NFATC1: variants seen among roughly 807,000 people sequenced by gnomAD.
NFATC1 encodes nuclear factor of activated T cells 1, also known as nuclear factor of activated T-cells, cytoplasmic 1.
In NFATC1, 22 loss-of-function variants were observed where a neutral mutation model predicts 76.0. That is an observed-to-expected ratio of 0.29 (90% CI 0.21 to 0.41). The LOEUF (loss-of-function observed/expected upper bound fraction) is 0.41, where lower values mean the gene tolerates loss of function less well. Ranked by LOEUF, NFATC1 falls within the 10% of genes least tolerant of loss-of-function variation. The pLI is 1.00. For synonymous variants in NFATC1, 704 were observed against 613.1 expected (o/e 1.15, Z -2.19); for missense variants, 1,357 against 1,337.7 (o/e 1.01, Z -0.23).
intron 3 of NFATC1, among the ~76,000 whole-genome samples, chr18:79,443,217 C>A (rs895295424): frequency 6.6e-6 from 1 of 152,220 alleles, no homozygotes; most frequent in Non-Finnish European, 1.5e-5. Flanking sequence ...GAAGGATTCT[C>A]AGAATTGAGC....
intron 9 of NFATC1, among the ~76,000 whole-genome samples, chr18:79,494,153 C>T (rs1387956194): frequency 6.6e-6 from 1 of 152,238 alleles, no homozygotes; most frequent in Non-Finnish European, 1.5e-5. Context: ...AAACTCGCTG[C>T]CACCTGGTCT....
chr18:79,522,374 GTGT>G (rs2090629749), intron 9 of NFATC1, among the ~76,000 whole-genome samples: 1 of 58,152 alleles, frequency 1.7e-5, no homozygotes, highest in African/African-American at 8.1e-5. Context: ...GTCTCTGTGT[GTGT>G]GGGGGGGGGT....
chr18:79,501,119 A>G (rs754649935), intron 9 of NFATC1, among the ~76,000 whole-genome samples: 26 of 152,184 alleles, frequency 1.7e-4, no homozygotes, highest in Non-Finnish European at 3.5e-4. Context: ...TAAAAAAAAG[A>G]TTTTACACCA....
chr18:79,526,609 T>C (rs1225231517), intron 9 of NFATC1, among the ~76,000 whole-genome samples: 2 of 152,244 alleles, frequency 1.3e-5, no homozygotes, highest in Non-Finnish European at 2.9e-5. Flanking sequence ...GGGTTCCTCC[T>C]GGAGCTCAGT....
At position 79,396,181 on chromosome 18, in the gene NFATC1, C is replaced by T. The variant is rs776282182; in HGVS notation, c.-44C>T. 7.0e-7 allele frequency: 1 copy of T among 1,431,774 alleles called. No homozygotes were observed. Among genetic ancestry groups the T allele is most frequent in the South Asian group, 1.3e-5 (1 of 75,544 alleles). The allele number at this position is 1,431,774 out of a possible 1,614,324, so 88.7% of individuals were successfully genotyped here. A position where few individuals can be genotyped will look rare whatever the true frequency, so the allele number is the denominator to read the frequency against. ...CGGCAGCGCGGGGCGGCCGCTTCTC[C>T]TGTGCCTCCGCCCGCCGCTCCACTC... On this transcript the variant is annotated 5_prime_UTR_variant, in exon 1 of 10. Coordinates refer to ENST00000427363, the MANE Select transcript of NFATC1 (RefSeq NM_001278669.2).
chr18:79,424,134 G>A (rs2086196351), intron 2 of NFATC1, among the ~76,000 whole-genome samples: 1 of 152,260 alleles, frequency 6.6e-6, no homozygotes, highest in African/African-American at 2.4e-5. Context: ...GTGGGAGGGT[G>A]AAGGCTGCGT....
intron 9 of NFATC1, among the ~76,000 whole-genome samples, chr18:79,506,801 G>C (rs1377539337): frequency 1.3e-5 from 2 of 152,200 alleles, no homozygotes; most frequent in Non-Finnish European, 2.9e-5. Flanking sequence ...CTTCTGGGTG[G>C]TTCTGTGTTG....
chr18:79,526,492 A>G (rs1304576571), intron 9 of NFATC1, among the ~76,000 whole-genome samples: 14 of 152,236 alleles, frequency 9.2e-5, no homozygotes, highest in Non-Finnish European at 2.9e-5. Context: ...GCGCCATGTC[A>G]GGAGGTGCTG....
intron 9 of NFATC1, among the ~76,000 whole-genome samples, chr18:79,510,250 A>G (rs184418485): frequency 6.6e-6 from 1 of 152,154 alleles, no homozygotes; most frequent in African/African-American, 2.4e-5. Flanking sequence ...CCGTGCGGAA[A>G]CTCAGGGATG....
intron 8 of NFATC1, among the ~76,000 whole-genome samples, chr18:79,484,828 A>C (rs1345274040): frequency 6.6e-6 from 1 of 151,892 alleles, no homozygotes; most frequent in Non-Finnish European, 1.5e-5. Context: ...GCCTGCCTTC[A>C]CGACCGCCGG....
chr18:79,416,330 G>T (rs1376263070), intron 2 of NFATC1, among the ~76,000 whole-genome samples: 1 of 152,172 alleles, frequency 6.6e-6, no homozygotes, highest in Non-Finnish European at 1.5e-5. Context: ...GCTCAGTAGC[G>T]ATTCCTCCTG....
intron 9 of NFATC1, among the ~76,000 whole-genome samples, chr18:79,517,533 A>G (rs1047955867): frequency 2.0e-5 from 3 of 152,230 alleles, no homozygotes; most frequent in African/African-American, 4.8e-5. Flanking sequence ...ACGCTGCGAC[A>G]GGAAGAGGCA....
At chr18:79,418,712 G>A (rs144663132) in intron 2 of NFATC1, among the ~76,000 whole-genome samples, 2 of 152,308 alleles carry the variant, frequency 1.3e-5, no homozygotes, top group African/African-American at 2.4e-5. Flanking sequence ...GCTCCTTCTT[G>A]AGCCGCTTCG....
chr18:79,404,057 T>C (rs1232968353), intron 1 of NFATC1, among the ~76,000 whole-genome samples: 1 of 152,232 alleles, frequency 6.6e-6, no homozygotes, highest in African/African-American at 2.4e-5. Context: ...TTCTGTGTCG[T>C]GTTTTTCAAA....
At chr18:79,474,290 G>A (rs1329257025) in intron 8 of NFATC1, among the ~76,000 whole-genome samples, 6 of 126,150 alleles carry the variant, frequency 4.8e-5, no homozygotes, top group East Asian at 2.7e-4. Context: ...GTGTTCTCAC[G>A]CTCACTGTCG....
chr18:79,451,610 G>A lies in NFATC1; in HGVS notation c.1763-66G>A, dbSNP rs962360335. The A allele has an allele frequency of 1.5e-5, 21 of 1,433,006 alleles. No homozygotes were observed. The African/African-American group carries it at 2.3e-4, about 16-fold the overall frequency. The allele number at this position is 1,433,006 out of a possible 1,614,324, so 88.8% of individuals were successfully genotyped here. On this transcript the variant is annotated intron_variant, in intron 5 of 9. Coordinates refer to ENST00000427363, the MANE Select transcript of NFATC1 (RefSeq NM_001278669.2). ...TCGGCTCACGTGTGACCTGCTGGGT[G>A]CCACACGTGTGCCCCAGGCCGCCCA...
chr18:79,412,592 GC>G (rs1453028603), intron 2 of NFATC1, among the ~76,000 whole-genome samples: 1 of 152,212 alleles, frequency 6.6e-6, no homozygotes, highest in Non-Finnish European at 1.5e-5. Context: ...ACCCGTCTCT[GC>G]TCTGCAGTCT....
At chr18:79,443,892 G>A (rs2087087372) in intron 3 of NFATC1, among the ~76,000 whole-genome samples, 1 of 152,210 alleles carries the variant, frequency 6.6e-6, no homozygotes, top group Admixed American at 6.5e-5. Flanking sequence ...GTGGGTCCTG[G>A]TACCTGGTGT....
chr18:79,428,702 T>G (rs528101926), intron 2 of NFATC1, among the ~76,000 whole-genome samples: 18 of 152,292 alleles, frequency 1.2e-4, no homozygotes, highest in Non-Finnish European at 2.5e-4. Flanking sequence ...AAAGGCCAGG[T>G]ATGGTGATAC....
Sources: gnomAD v4.1 joint callset for allele counts (sites outside exome capture counted in the v4.1 genomes callset) on GRCh38, gnomAD v4.1.1 for gene constraint, MANE v1.5 for transcripts, NCBI Gene and HGNC (gene_info 2026-07-23, HGNC 2026-07-21) for gene names.